The following CAPN13 variants were observed in gnomAD, a reference collection of about 807,000 sequenced individuals.
CAPN13 encodes calpain-13.
CAPN13 carries 90 observed loss-of-function variants against 98.4 expected under a neutral mutation model. The observed-to-expected ratio is 0.92, with a 90% CI of 0.77 to 1.09. The LOEUF (loss-of-function observed/expected upper bound fraction) is 1.09, where lower values mean the gene tolerates loss of function less well. CAPN13 is among the 50% of genes least tolerant of loss of function. The probability of loss-of-function intolerance (pLI) is 0.00; values close to 1 mark genes in which losing one functional copy is unlikely to be tolerated. For synonymous variants in CAPN13, 330 were observed against 305.5 expected (o/e 1.08, Z -0.84); for missense variants, 887 against 841.3 (o/e 1.05, Z -0.67).
chr2:30,750,331 G>A (rs1458926631), intron 11 of CAPN13, among the ~76,000 whole-genome samples: 10 of 152,000 alleles, frequency 6.6e-5, no homozygotes, highest in African/African-American at 1.5e-4. Flanking sequence ...AGGAGGGAGC[G>A]GGGCAGAAAA....
chr2:30,795,006 T>G (rs1316351838), intron 1 of CAPN13, among the ~76,000 whole-genome samples: 1 of 152,016 alleles, frequency 6.6e-6, no homozygotes, highest in Non-Finnish European at 1.5e-5. Context: ...CTTAAACATA[T>G]GCAGTTTTTG....
intron 6 of CAPN13, 95 bp downstream of exon 6, chr2:30,764,037 C>G: frequency 7.8e-7 from 1 of 1,274,162 alleles, no homozygotes; most frequent in Non-Finnish European, 1.1e-6. Context: ...ATGGTGGCAG[C>G]TTGCCACATC....
chr2:30,754,711 AC>A (rs1672355827), intron 8 of CAPN13, among the ~76,000 whole-genome samples: 1 of 151,714 alleles, frequency 6.6e-6, no homozygotes, highest in African/African-American at 2.4e-5. Flanking sequence ...CCTCTCTCAC[AC>A]CCCCACATCC....
intron 21 of CAPN13, 22 bp downstream of exon 21, chr2:30,731,322 C>A: frequency 6.3e-7 from 1 of 1,599,368 alleles, no homozygotes; most frequent in Non-Finnish European, 8.5e-7. Context: ...GTGCCTGCCC[C>A]GGGGAGGGGA....
At chr2:30,782,104 A>C (rs144814628) in intron 2 of CAPN13, among the ~76,000 whole-genome samples, 4 of 152,296 alleles carry the variant, frequency 2.6e-5, no homozygotes, top group African/African-American at 4.8e-5. Flanking sequence ...GGCATCTTAG[A>C]AAATACGCTC....
In CAPN13 at chr2:30,736,533, C is replaced by A; in HGVS notation, c.1692G>T (p.Ala564=). Residue 564 remains alanine (A), a synonymous_variant, in exon 18 of 23, where the codon GCG becomes GCT. Coordinates refer to ENST00000295055, the MANE Select transcript of CAPN13 (RefSeq NM_144575.3). ...AGTGAACAAGGCGCTTCCACAGTCG[C>A]GCAAACTCCTCTTGGTCTAGCCGCC... ...VNGRLDQEEF[A]RLWKRLVHYQ... is the part of the protein sequence containing the mutation. 1 of 1,614,006 alleles carries A rather than the reference C, an allele frequency of 6.2e-7. No homozygotes were observed. The highest frequency in any genetic ancestry group is 8.5e-7 in the Non-Finnish European group (1 of 1,179,880).
chr2:30,780,440 G>T (rs1673926666), intron 2 of CAPN13, among the ~76,000 whole-genome samples: 1 of 152,202 alleles, frequency 6.6e-6, no homozygotes, highest in Non-Finnish European at 1.5e-5. Context: ...ATAATATGAA[G>T]TAGCACTTAC....
chr2:30,781,757 G>T (rs1673992879), intron 2 of CAPN13, among the ~76,000 whole-genome samples: 1 of 151,996 alleles, frequency 6.6e-6, no homozygotes, highest in Non-Finnish European at 1.5e-5. Flanking sequence ...TCCTCTATAA[G>T]CATGTGAGCC....
intron 19 of CAPN13, 53 bp from the exon 20 acceptor site, chr2:30,732,619 C>G: frequency 6.4e-7 from 1 of 1,566,386 alleles, no homozygotes; most frequent in Non-Finnish European, 8.6e-7. Flanking sequence ...TCGGGGGTTC[C>G]TCTGCCTCTC....
At chr2:30,774,816 C>A (rs1329632076) in intron 4 of CAPN13, among the ~76,000 whole-genome samples, 1 of 152,046 alleles carries the variant, frequency 6.6e-6, no homozygotes, top group Non-Finnish European at 1.5e-5. Context: ...AAAAAGCTAG[C>A]AGAACTTAAA....
At chr2:30,789,779 T>C (rs1045776732) in intron 1 of CAPN13, among the ~76,000 whole-genome samples, 1 of 152,234 alleles carries the variant, frequency 6.6e-6, no homozygotes, top group African/African-American at 2.4e-5. Flanking sequence ...ATGATCATTG[T>C]TATTTTGAGC....
Position 30,732,490 on chromosome 2 carries a change from C to T in CAPN13, c.1875G>A (p.Arg625=). 1 of 1,613,258 alleles carries T rather than the reference C, an allele frequency of 6.2e-7. No individual in the cohort carries two copies. Among genetic ancestry groups the T allele is most frequent in the Non-Finnish European group, 8.5e-7 (1 of 1,179,638 alleles). Residue 625 remains arginine, a synonymous_variant, in exon 20 of 23, where the codon AGG becomes AGA. Transcript: ENST00000295055. ...AGCAGACCAGGCTGGGGAAGCTGAC[C>T]CTGCCGACGCTGTCGCTGTACCTGA... ...VTLRYSDSVG[R]VSFPSLVCFL...
intron 2 of CAPN13, among the ~76,000 whole-genome samples, chr2:30,785,217 G>A (rs1001477303): frequency 4.6e-5 from 7 of 152,100 alleles, no homozygotes; most frequent in Non-Finnish European, 8.8e-5. Context: ...GCAGCAGGTG[G>A]AAAGAATCTT....
intron 12 of CAPN13, chr2:30,745,319 C>A (rs372313382): frequency 4.1e-6 from 2 of 484,648 alleles, no homozygotes; most frequent in Non-Finnish European, 8.5e-6. Flanking sequence ...TACCTTGAAG[C>A]TGCATTTGGA....
chr2:30,784,363 G>A (rs112683851), intron 2 of CAPN13, among the ~76,000 whole-genome samples: 102 of 152,288 alleles, frequency 6.7e-4, no homozygotes, highest in African/African-American at 2.3e-3. Flanking sequence ...CCCTGAGGCT[G>A]CTACCTTATG....
At chr2:30,745,861 A>G in intron 11 of CAPN13, 127 bp from the exon 12 acceptor site, 1 of 714,578 alleles carries the variant, frequency 1.4e-6, no homozygotes, top group Non-Finnish European at 2.2e-6. Context: ...TCTCTTTTAA[A>G]GAATTTATTT....
chr2:30,745,055 CTT>C (rs1342704861), intron 12 of CAPN13, among the ~76,000 whole-genome samples: 8 of 152,146 alleles, frequency 5.3e-5, no homozygotes, highest in African/African-American at 1.9e-4. Context: ...TGTAATCACT[CTT>C]TGTTGTCTGT....
chr2:30,778,180 G>A (rs1202100707), intron 2 of CAPN13, among the ~76,000 whole-genome samples: 2 of 152,160 alleles, frequency 1.3e-5, no homozygotes, highest in Non-Finnish European at 2.9e-5. Flanking sequence ...GTAACTCACA[G>A]ACCGGGTCTG....
intron 2 of CAPN13, among the ~76,000 whole-genome samples, chr2:30,781,820 G>T (rs1373225793): frequency 2.0e-5 from 3 of 151,996 alleles, no homozygotes; most frequent in Non-Finnish European, 4.4e-5. Context: ...ATATCTATTA[G>T]GATATACATC....
Sources: allele counts gnomAD v4.1 joint callset (sites outside exome capture counted in the v4.1 genomes callset), GRCh38; gene constraint gnomAD v4.1.1; transcripts MANE v1.5; gene names NCBI Gene and HGNC (gene_info 2026-07-23, HGNC 2026-07-21).